Variants in CSMD1 observed in about 807,000 individuals in gnomAD.
The protein encoded by CSMD1 is CUB and Sushi multiple domains 1.
CSMD1 carries 213 observed loss-of-function variants against 417.5 expected under a neutral mutation model. That is an observed-to-expected ratio of 0.51 (90% CI 0.46 to 0.57). The LOEUF (loss-of-function observed/expected upper bound fraction) is 0.57, where lower values mean the gene tolerates loss of function less well. CSMD1 is among the 20% of genes least tolerant of loss of function. The pLI is 0.00. For synonymous variants in CSMD1, 2,862 were observed against 1,736.8 expected, an observed-to-expected ratio of 1.65 and a Z score of -16.11; for missense variants, 6,923 against 4,529.7, an observed-to-expected ratio of 1.53 and a Z score of -15.17.
chr8:3,587,878 C>G (rs570658572), intron 8 of CSMD1, among the ~76,000 whole-genome samples: 1 of 151,896 alleles, frequency 6.6e-6, no homozygotes, highest in African/African-American at 2.4e-5. Context: ...TTCTATGGAA[C>G]TAATTTTGAG....
At chr8:4,170,241 T>C (rs929533220) in intron 3 of CSMD1, among the ~76,000 whole-genome samples, 2 of 151,812 alleles carry the variant, frequency 1.3e-5, no homozygotes, top group African/African-American at 4.9e-5. Flanking sequence ...TCCCCATCTC[T>C]CTTTCTCTTT....
At chr8:3,184,092 G>A (rs1585586838) in intron 36 of CSMD1, among the ~76,000 whole-genome samples, 4 of 152,112 alleles carry the variant, frequency 2.6e-5, no homozygotes, top group South Asian at 4.1e-4. Flanking sequence ...TGCATGATCT[G>A]ACTGCTGCTT....
chr8:4,390,525 A>ATTTATTTATTTATTTT (rs1803777435), intron 3 of CSMD1, among the ~76,000 whole-genome samples: 1 of 150,608 alleles, frequency 6.6e-6, no homozygotes, highest in African/African-American at 2.4e-5. Flanking sequence ...TTATTTATTT[A>ATTTATTTATTTATTTT]TTTTTTGAGA....
At chr8:3,141,684 C>T (rs1042142235) in intron 41 of CSMD1, among the ~76,000 whole-genome samples, 88 of 152,146 alleles carry the variant, frequency 5.8e-4, no homozygotes, top group Non-Finnish European at 3.1e-4. Flanking sequence ...CCAGTTCTGC[C>T]ATCGCACTCG....
rs114511299 is a variant in CSMD1 at position 2,998,177 on chromosome 8, T to C, written c.8211A>G (p.Thr2737=). 7.4e-5 allele frequency: 120 copies of C among 1,613,918 alleles called. No individual in the cohort carries two copies. The African/African-American group carries it at 1.5e-3, about 20-fold the overall frequency. Residue 2737 remains threonine, a synonymous_variant, in exon 54 of 70, where the codon ACA becomes ACG. Transcript: ENST00000635120. ...SGQTPVCVPI[T]CGHPGNPAHG... is the part of the protein sequence containing the mutation. ...GGGCAGGGTTTCCAGGGTGACCACA[T>C]GTGATGGCTGTAGAGAGACAGGTCA...
At chr8:3,057,655 A>G (rs13278147) in intron 49 of CSMD1, among the ~76,000 whole-genome samples, 73,469 of 151,982 alleles carry the variant, frequency 0.48, 18,290 homozygotes, top group Non-Finnish European at 0.55. Flanking sequence ...AGATAAAGTT[A>G]CAGATGCTAA....
intron 36 of CSMD1, among the ~76,000 whole-genome samples, chr8:3,186,337 C>T (rs1332020122): frequency 2.0e-5 from 3 of 152,040 alleles, no homozygotes; most frequent in Non-Finnish European, 4.4e-5. Flanking sequence ...GGAGATGGGC[C>T]TTGAGTTCTA....
chr8:3,556,463 G>C (rs765639029), intron 10 of CSMD1, among the ~76,000 whole-genome samples: 9 of 140,314 alleles, frequency 6.4e-5, no homozygotes, highest in African/African-American at 2.4e-4. Flanking sequence ...GAGATAATTT[G>C]TTCAGTCCTT....
At chr8:3,306,648 A>G (rs747117059) in intron 25 of CSMD1, among the ~76,000 whole-genome samples, 3 of 149,398 alleles carry the variant, frequency 2.0e-5, no homozygotes, top group Non-Finnish European at 4.4e-5. Context: ...CAGAAAATTA[A>G]TAACAACAAT....
At chr8:4,912,456 C>T (rs1044314412) in intron 1 of CSMD1, among the ~76,000 whole-genome samples, 19 of 151,248 alleles carry the variant, frequency 1.3e-4, no homozygotes, top group East Asian at 5.8e-4. Flanking sequence ...AAGGTGAAAA[C>T]GGGAGGAGAG....
At chr8:4,495,630 T>C (rs568434049) in intron 2 of CSMD1, among the ~76,000 whole-genome samples, 3 of 152,234 alleles carry the variant, frequency 2.0e-5, no homozygotes, top group East Asian at 3.9e-4. Context: ...AAATGTATGC[T>C]GCAGACCTTG....
chr8:4,498,156 A>C (rs1293210420), intron 2 of CSMD1, among the ~76,000 whole-genome samples: 1 of 152,118 alleles, frequency 6.6e-6, no homozygotes, highest in Non-Finnish European at 1.5e-5. Context: ...TCGGGGAGGG[A>C]CACGCAGTTA....
intron 2 of CSMD1, among the ~76,000 whole-genome samples, chr8:4,537,137 A>G (rs1356431124): frequency 1.3e-5 from 2 of 152,216 alleles, no homozygotes; most frequent in Non-Finnish European, 2.9e-5. Context: ...GTAAAACTGT[A>G]TTACAATTTG....
intron 3 of CSMD1, among the ~76,000 whole-genome samples, chr8:4,401,988 C>A (rs1804676041): frequency 6.6e-6 from 1 of 152,102 alleles, no homozygotes; most frequent in South Asian, 2.1e-4. Flanking sequence ...CAGCACCGGA[C>A]TCCCTGCCAC....
intron 5 of CSMD1, among the ~76,000 whole-genome samples, chr8:3,986,245 T>G (rs1373749552): frequency 1.3e-5 from 2 of 152,104 alleles, no homozygotes; most frequent in African/African-American, 4.8e-5. Flanking sequence ...GCTTTATAAC[T>G]TCCCTCGCCT....
At chr8:4,142,100 T>C (rs1489088235) in intron 3 of CSMD1, among the ~76,000 whole-genome samples, 2 of 151,212 alleles carry the variant, frequency 1.3e-5, no homozygotes, top group Admixed American at 1.3e-4. Flanking sequence ...TTCCCTAATG[T>C]TTGAAGCAAC....
At chr8:3,905,735 G>C (rs942554583) in intron 5 of CSMD1, among the ~76,000 whole-genome samples, 5 of 152,158 alleles carry the variant, frequency 3.3e-5, no homozygotes, top group Non-Finnish European at 5.9e-5. Context: ...GCAGATAATA[G>C]ACTCGTCTTA....
intron 1 of CSMD1, among the ~76,000 whole-genome samples, chr8:4,731,552 T>C (rs777626867): frequency 1.3e-5 from 2 of 152,238 alleles, no homozygotes; most frequent in Non-Finnish European, 2.9e-5. Context: ...TCATTAATTA[T>C]TAAATACATG....
At chr8:3,469,900 C>G (rs188425703) in intron 11 of CSMD1, among the ~76,000 whole-genome samples, 1 of 152,320 alleles carries the variant, frequency 6.6e-6, no homozygotes, top group East Asian at 1.9e-4. Context: ...GAAGATTTGT[C>G]TTCGTTGGCA....
Sources: gnomAD v4.1 joint callset for allele counts (sites outside exome capture counted in the v4.1 genomes callset) on GRCh38, gnomAD v4.1.1 for gene constraint, MANE v1.5 for transcripts, NCBI Gene and HGNC (gene_info 2026-07-23, HGNC 2026-07-21) for gene names.